Variants in GULP1 observed in about 807,000 individuals in gnomAD.
GULP1 encodes the protein PTB domain-containing engulfment adapter protein 1.
In GULP1, 19 loss-of-function variants were observed where a neutral mutation model predicts 40.9. The ratio of observed to expected loss-of-function variants is 0.46; its 90% CI spans 0.32 to 0.68. GULP1 has a LOEUF of 0.68. Among genes scored for constraint, GULP1 ranks in the 30% least tolerant of loss-of-function variants. GULP1 has a pLI of 0.03. For synonymous variants in GULP1, 119 were observed against 117.6 expected (o/e 1.01, Z -0.08); for missense variants, 312 against 362.2 (o/e 0.86, Z 1.12).
At chr2:188,539,273 T>G (rs1689798224) in intron 6 of GULP1, among the ~76,000 whole-genome samples, 1 of 152,160 alleles carries the variant, frequency 6.6e-6, no homozygotes, top group African/African-American at 2.4e-5. Context: ...CAGTAATATT[T>G]TCTCTTTATT....
chr2:188,554,818 A>G (rs1003704816), intron 7 of GULP1, among the ~76,000 whole-genome samples: 14 of 152,048 alleles, frequency 9.2e-5, no homozygotes, highest in Non-Finnish European at 1.5e-5. Flanking sequence ...TTTGTGCTCC[A>G]ATATTGGGTG....
intron 1 of GULP1, among the ~76,000 whole-genome samples, chr2:188,296,948 GTC>G (rs146228320): frequency 6.6e-6 from 1 of 151,704 alleles, no homozygotes; most frequent in South Asian, 2.1e-4. Flanking sequence ...CTCTTTGTCT[GTC>G]TCTCTCTCTG....
At chr2:188,484,096 C>T (rs1351991227) in intron 4 of GULP1, among the ~76,000 whole-genome samples, 2 of 151,826 alleles carry the variant, frequency 1.3e-5, no homozygotes, top group African/African-American at 2.4e-5. Context: ...TTAGAAGAGA[C>T]GGGGTTTCAC....
intron 3 of GULP1, 73 bp downstream of exon 3, chr2:188,477,803 A>C: frequency 8.5e-7 from 1 of 1,177,718 alleles, no homozygotes; most frequent in Non-Finnish European, 1.2e-6. Flanking sequence ...GATGTTAAGA[A>C]ATCAGTTTTT....
chr2:188,427,931 G>A (rs755541144), intron 2 of GULP1, among the ~76,000 whole-genome samples: 1 of 152,234 alleles, frequency 6.6e-6, no homozygotes, highest in Non-Finnish European at 1.5e-5. Context: ...CAAGCACTCA[G>A]TGCCAGCCCT....
intron 2 of GULP1, among the ~76,000 whole-genome samples, chr2:188,449,069 C>T (rs948380930): frequency 6.6e-6 from 1 of 152,084 alleles, no homozygotes; most frequent in African/African-American, 2.4e-5. Context: ...ACAAAAACAG[C>T]CAAACACAGA....
At chr2:188,549,722 C>T (rs1325130448) in intron 7 of GULP1, among the ~76,000 whole-genome samples, 1 of 151,754 alleles carries the variant, frequency 6.6e-6, no homozygotes, top group Non-Finnish European at 1.5e-5. Flanking sequence ...CCGAAAACTA[C>T]AATCCATCCA....
At chr2:188,589,488 A>G (rs548592886) in intron 11 of GULP1, 8 of 294,846 alleles carry the variant, frequency 2.7e-5, no homozygotes, top group African/African-American at 1.3e-4. Context: ...TTTATTCTCA[A>G]GGGTTGCACA....
At chr2:188,379,445 G>A (rs1188616743) in intron 1 of GULP1, among the ~76,000 whole-genome samples, 2 of 152,074 alleles carry the variant, frequency 1.3e-5, no homozygotes, top group Non-Finnish European at 2.9e-5. Flanking sequence ...AAATTATAAA[G>A]ATCTTTTCAG....
chr2:188,541,664 A>G (rs1690521382), intron 7 of GULP1: 2 of 423,410 alleles, frequency 4.7e-6, no homozygotes, highest in Non-Finnish European at 8.3e-6. Context: ...TAATACAAAC[A>G]GTAGTGGTGA....
At chr2:188,347,343 T>TA (rs1443645967) in intron 1 of GULP1, among the ~76,000 whole-genome samples, 2 of 151,658 alleles carry the variant, frequency 1.3e-5, no homozygotes, top group African/African-American at 4.9e-5. Context: ...TCTGAGCTCC[T>TA]AATCGTAATG....
At chr2:188,510,941 G>A (rs1379533523) in intron 4 of GULP1, among the ~76,000 whole-genome samples, 1 of 152,092 alleles carries the variant, frequency 6.6e-6, no homozygotes, top group African/African-American at 2.4e-5. Flanking sequence ...TTCATTGTGG[G>A]TGGGTTGGTT....
chr2:188,344,836 A>T (rs1244871038), intron 1 of GULP1, among the ~76,000 whole-genome samples: 1 of 152,240 alleles, frequency 6.6e-6, no homozygotes, highest in South Asian at 2.1e-4. Context: ...ATGTACACAC[A>T]GAAACATATA....
intron 4 of GULP1, among the ~76,000 whole-genome samples, chr2:188,511,114 G>T (rs935420202): frequency 6.6e-6 from 1 of 152,142 alleles, no homozygotes; most frequent in Non-Finnish European, 1.5e-5. Context: ...GCGAGGCTAT[G>T]AAAGGCAGAG....
At chr2:188,403,105 CTTA>C (rs1395807370) in intron 2 of GULP1, among the ~76,000 whole-genome samples, 1 of 152,040 alleles carries the variant, frequency 6.6e-6, no homozygotes, top group Non-Finnish European at 1.5e-5. Flanking sequence ...CCCTTGTCAT[CTTA>C]TTATGAGACT....
intron 4 of GULP1, among the ~76,000 whole-genome samples, chr2:188,513,786 TAATA>T (rs1382527881): frequency 6.6e-6 from 1 of 152,134 alleles, no homozygotes; most frequent in East Asian, 1.9e-4. Flanking sequence ...AAATTCACCG[TAATA>T]AATTTTGTCT....
At chr2:188,548,807 C>T (rs187858637) in intron 7 of GULP1, among the ~76,000 whole-genome samples, 47 of 150,010 alleles carry the variant, frequency 3.1e-4, no homozygotes, top group African/African-American at 9.3e-4. Context: ...GCTGCAAAAG[C>T]AGTGCAATAG....
chr2:188,332,108 T>A (rs1327351213), intron 1 of GULP1, among the ~76,000 whole-genome samples: 1 of 152,050 alleles, frequency 6.6e-6, no homozygotes, highest in South Asian at 2.1e-4. Context: ...ACTCTTCCAA[T>A]ATTCTCTAAG....
At chr2:188,445,447 A>G (rs75644265) in intron 2 of GULP1, among the ~76,000 whole-genome samples, 7,367 of 152,268 alleles carry the variant, frequency 0.048, 337 homozygotes, top group East Asian at 0.2. Context: ...AAAAATGAGC[A>G]TATACTAAGT....
Sources: gnomAD v4.1 joint callset for allele counts (sites outside exome capture counted in the v4.1 genomes callset) on GRCh38, gnomAD v4.1.1 for gene constraint, MANE v1.5 for transcripts, NCBI Gene and HGNC (gene_info 2026-07-23, HGNC 2026-07-21) for gene names.